Variants in HSPA12B observed in about 807,000 individuals in gnomAD.
HSPA12B encodes the protein heat shock protein family A (Hsp70) member 12B.
A neutral mutation model predicts 69.3 loss-of-function variants in HSPA12B; 54 were observed. That is an observed-to-expected ratio of 0.78 (90% confidence interval 0.63 to 0.98). The LOEUF is 0.98. HSPA12B is among the 50% of genes least tolerant of loss of function. The pLI, the probability that HSPA12B is intolerant of heterozygous loss-of-function variation, is 0.00. For missense variants in HSPA12B, 929 were observed against 999.8 expected, an observed-to-expected ratio of 0.93 and a Z score of 0.96; for synonymous variants, 441 against 436.5, an observed-to-expected ratio of 1.01 and a Z score of -0.13.
intron 4 of HSPA12B, among the ~76,000 whole-genome samples, chr20:3,743,484 A>G (rs2088243313): frequency 6.6e-6 from 1 of 152,156 alleles, no homozygotes; most frequent in Non-Finnish European, 1.5e-5. Flanking sequence ...GGCGTGAGCC[A>G]CCATGCCCAG....
At chr20:3,750,724 G>A (rs1247405928) in intron 11 of HSPA12B, 80 bp from the exon 12 acceptor site, 24 of 1,607,428 alleles carry the variant, frequency 1.5e-5, no homozygotes, top group Non-Finnish European at 2.0e-5. Context: ...CAGAGGTAGA[G>A]AATAAGGACC....
chr20:3,745,943 C>T lies in HSPA12B; in HGVS notation c.587C>T (p.Pro196Leu), dbSNP rs1412573716. ...CTGAGGGAGCAGAGCCCATCGCTGC[C>T]AGAGAAGGACACTGTGCGCTGGGTG... The part of the protein sequence containing the change: ...QELREQSPSL[P>L]EKDTVRWVLT... Residue 196 changes from proline (P) to leucine (L), a missense_variant, in exon 7 of 13, where the codon CCA becomes CTA. This residue lies in a region of HSPA12B where 477 missense variants were observed against 535.2 expected (regional missense o/e 0.89). Transcript: ENST00000254963. The surrounding 1 kb of genome is among the most constrained non-coding windows in gnomAD (Gnocchi z 5.6). 2 of 1,614,092 alleles carry T rather than the reference C, an allele frequency of 1.2e-6. No homozygotes were observed. The highest frequency in any genetic ancestry group is 1.7e-5 in the Admixed American group (1 of 60,030).
chr20:3,734,251 G>A, intron 1 of HSPA12B, among the ~76,000 whole-genome samples: 1 of 152,136 alleles, frequency 6.6e-6, no homozygotes, highest in East Asian at 1.9e-4. Context: ...GTCTCTGGTT[G>A]TGAGTTCCTG....
At position 3,743,884 on chromosome 20, in the gene HSPA12B, AAAG is replaced by A. The variant is rs1227705654; in HGVS notation, c.267-1015_267-1013del. 9.7e-4 allele frequency among the ~76,000 whole-genome samples: 148 copies of A among 152,334 alleles called. 7 individuals carry two copies. The highest frequency in any genetic ancestry group is 3.3e-3 in the Admixed American group (50 of 15,306). On this transcript the variant is annotated intron_variant, in intron 4 of 12. Transcript: ENST00000254963. The stretch of plus-strand genomic sequence containing the variant: ...TCTTTTCCTTTTTTAGTAAAAAGGA[AAAG>A]AAAAAATAATAAAACAAGAAATAAA...
Position 3,745,820 on chromosome 20 carries a change from T to G in HSPA12B, c.559-95T>G. On this transcript the variant is annotated intron_variant, in intron 6 of 12. Transcript: ENST00000254963. This position sits in a 1 kb window ranked among gnomAD's most constrained non-coding sequence, Gnocchi z 5.6. ...TCTTCCAGCTCTGCTGGGAAGTCCT[T>G]CCTGTGATTTGATTAGTACCTCCAG... 8.5e-7 allele frequency: 1 copy of G among 1,171,686 alleles called. No homozygotes were observed. Among genetic ancestry groups the G allele is most frequent in the Non-Finnish European group, 1.3e-6 (1 of 778,168 alleles). The allele number at this position is 1,171,686 out of a possible 1,614,324, so 72.6% of individuals were successfully genotyped here.
rs1405382788 is a variant in HSPA12B, at chr20:3,749,665, G to C, written c.938-85G>C. On this transcript the variant is annotated intron_variant, in intron 9 of 12. Transcript: ENST00000254963. The surrounding 1 kb of genome is among the most constrained non-coding windows in gnomAD (Gnocchi z 5.5). The stretch of plus-strand genomic sequence containing the variant: ...GACAGGCCTTGGGACCCGGGGCAGG[G>C]CTGGAGGCTGGGCGAGGCTGGAGGG... The C allele has an allele frequency of 1.7e-5, 17 of 1,025,342 alleles. No homozygotes were observed. Among genetic ancestry groups the C allele is most frequent in the Non-Finnish European group, 2.4e-5 (17 of 707,010 alleles). 63.5% of individuals were successfully genotyped at this position (1,025,342 alleles called of 1,614,324 possible).
rs149225843 is a variant in HSPA12B, at chr20:3,740,650, C to T, written c.44-165C>T. Among the ~76,000 whole-genome samples the T allele has an allele frequency of 9.8e-5, 15 of 152,310 alleles. 1 individual carries two copies. The East Asian group carries it at 2.7e-3, about 27-fold the overall frequency. ...AGCAGACCCTCAGCTCCTGCCCCTG[C>T]GTCATGTGTGTCTTTCCTACACCCC... is the stretch of plus-strand genomic sequence containing the variant. On this transcript the variant is annotated intron_variant, in intron 2 of 12. Coordinates refer to ENST00000254963, the MANE Select transcript of HSPA12B (RefSeq NM_052970.5). This position sits in a 1 kb window ranked among gnomAD's most constrained non-coding sequence, Gnocchi z 4.9.
Position 3,745,681 on chromosome 20 carries a change from C to A in HSPA12B, c.558+84C>A. 7.9e-7 allele frequency: 1 copy of A among 1,264,116 alleles called. No homozygotes were observed. The allele number at this position is 1,264,116 out of a possible 1,614,324, so 78.3% of individuals were successfully genotyped here. A position where few individuals can be genotyped will look rare whatever the true frequency, so the allele number is the denominator to read the frequency against. On this transcript the variant is annotated intron_variant, in intron 6 of 12. Transcript: ENST00000254963. The surrounding 1 kb of genome is among the most constrained non-coding windows in gnomAD (Gnocchi z 5.6). ...CGAAACCGCTCCCCCATCCCGTCCC[C>A]GACATTGGATGGGTAGCCACCGCCG...
chr20:3,741,899 G>A (rs1043412818), intron 3 of HSPA12B, among the ~76,000 whole-genome samples: 2 of 151,930 alleles, frequency 1.3e-5, no homozygotes, highest in African/African-American at 2.4e-5. Context: ...ATATACACTG[G>A]TCCATGTGCT....
At chr20:3,746,384 G>C (rs1334054258) in intron 7 of HSPA12B, among the ~76,000 whole-genome samples, 3 of 138,506 alleles carry the variant, frequency 2.2e-5, no homozygotes, top group Admixed American at 8.0e-5. Flanking sequence ...CTCACTGCAA[G>C]CTCTGCCTCC....
chr20:3,746,131 TG>T (rs2088298793), intron 7 of HSPA12B, 100 bp downstream of exon 7: 1 of 833,810 alleles, frequency 1.2e-6, no homozygotes, highest in Non-Finnish European at 2.0e-6. Context: ...ACAGAGTCAT[TG>T]TGGAAAGAAC....
At chr20:3,741,312 CAAAA>C (rs34562275) in intron 3 of HSPA12B, among the ~76,000 whole-genome samples, 1 of 140,636 alleles carries the variant, frequency 7.1e-6, no homozygotes. Context: ...GATGTGTTGC[CAAAA>C]AAAAAAAAAA....
chr20:3,738,590 A>AT, intron 1 of HSPA12B, 68 bp from the exon 2 acceptor site: 1 of 1,438,782 alleles, frequency 7.0e-7, no homozygotes, highest in Non-Finnish European at 9.8e-7. Context: ...AATAAAATAA[A>AT]TAAGCATTCA....
intron 1 of HSPA12B, among the ~76,000 whole-genome samples, chr20:3,736,979 A>T (rs6052046): frequency 0.012 from 1,895 of 152,184 alleles, 40 homozygotes; most frequent in African/African-American, 0.042. Flanking sequence ...AACCCAGGAG[A>T]TGGAGATTGC....
Position 3,738,719 on chromosome 20 carries a change from T to C in HSPA12B, c.43+2T>C. ...TGGGCCTGCAGGGGCTGTACATCGG[T>C]AAGAACCCCCACCATTCTGCCCTGA... On this transcript the variant is annotated splice_donor_variant, in intron 2 of 12. Transcript: ENST00000254963. LOFTEE classifies it high-confidence loss of function. 1 of 1,614,084 alleles carries C rather than the reference T, an allele frequency of 6.2e-7. No homozygotes were observed. Among genetic ancestry groups the C allele is most frequent in the Non-Finnish European group, 8.5e-7 (1 of 1,180,002 alleles).
chr20:3,750,769 G>A (rs774024866), intron 11 of HSPA12B, 35 bp from the exon 12 acceptor site: 2 of 1,613,384 alleles, frequency 1.2e-6, no homozygotes, highest in Admixed American at 3.3e-5. Flanking sequence ...GCTGGGCCCT[G>A]ACCGATGGAT....
At chr20:3,747,122 T>TG (rs200339382) in intron 7 of HSPA12B, among the ~76,000 whole-genome samples, 346 of 151,496 alleles carry the variant, frequency 2.3e-3, no homozygotes, top group Non-Finnish European at 3.7e-3. Context: ...AGCAAGGAGT[T>TG]GGGGGGGGCT....
chr20:3,750,432 C>T (rs1206408337), intron 11 of HSPA12B, among the ~76,000 whole-genome samples: 1 of 152,174 alleles, frequency 6.6e-6, no homozygotes, highest in Non-Finnish European at 1.5e-5. Flanking sequence ...AATCCGCAGC[C>T]CGAACTGGGG....
rs768810544 is a variant in HSPA12B at position 3,742,236 on chromosome 20, G to A, written c.142-48G>A. The A allele has an allele frequency of 5.0e-6, 8 of 1,602,936 alleles. No individual in the cohort carries two copies. In the East Asian group the frequency reaches 1.6e-4, roughly 31 times the overall value. ...GGAAGCATTGGGGCTGTGGGGGATG[G>A]GGGTGTCCCTGCTGGCTGCTTGCTA... On this transcript the variant is annotated intron_variant, in intron 3 of 12. Transcript: ENST00000254963.
Sources: gnomAD v4.1 joint callset for allele counts (sites outside exome capture counted in the v4.1 genomes callset) on GRCh38, gnomAD v4.1.1 for gene constraint, gnomAD v4.1.1 regional missense constraint, Gnocchi (gnomAD v3.1) non-coding constraint, MANE v1.5 for transcripts, NCBI Gene and HGNC (gene_info 2026-07-23, HGNC 2026-07-21) for gene names.